EPHA5: variants seen among roughly 807,000 people sequenced by gnomAD.
EPHA5 encodes EPH receptor A5.
Under a neutral mutation model 105.0 loss-of-function variants are expected in EPHA5, and 60 were observed. The observed-to-expected ratio is 0.57, with a 90% CI of 0.46 to 0.71. EPHA5 has a LOEUF of 0.71. Ranked by LOEUF, EPHA5 falls within the 30% of genes least tolerant of loss-of-function variation. The probability of loss-of-function intolerance (pLI) is 0.00; values close to 1 mark genes in which losing one functional copy is unlikely to be tolerated. For synonymous variants in EPHA5, 513 were observed against 449.1 expected (o/e 1.14, Z -1.80); for missense variants, 1,218 against 1,274.7 (o/e 0.96, Z 0.68).
chr4:65,599,348 A>AACACACAAACAC lies in EPHA5; in HGVS notation c.910+2292_910+2293insGTGTTTGTGTGT, dbSNP rs1553949160. Among the ~76,000 whole-genome samples, 7 of 148,678 alleles carry AACACACAAACAC rather than the reference A, an allele frequency of 4.7e-5. No homozygotes were observed. In the East Asian group the frequency reaches 1.4e-3, roughly 30 times the overall value. ...AGCTAGAGTCATGGTGGCATTTTAT[A>AACACACAAACAC]ACACACACACACACACACACACACA... is the stretch of plus-strand genomic sequence containing the variant. On this transcript the variant is annotated intron_variant, in intron 3 of 16. Transcript: ENST00000613740.
chr4:65,441,559 G>C (rs893269502), intron 5 of EPHA5, among the ~76,000 whole-genome samples: 27 of 152,152 alleles, frequency 1.8e-4, no homozygotes, highest in African/African-American at 6.3e-4. Context: ...AAAAAAGGGA[G>C]AGAGGAAGAG....
chr4:65,639,085 A>G (rs62297721), intron 2 of EPHA5, among the ~76,000 whole-genome samples: 37,359 of 152,156 alleles, frequency 0.25, 5,300 homozygotes, highest in East Asian at 0.57. Context: ...CTCTTGTAAA[A>G]TTAACTGTTG....
chr4:65,539,459 C>A (rs1010807026), intron 3 of EPHA5, among the ~76,000 whole-genome samples: 3 of 151,434 alleles, frequency 2.0e-5, no homozygotes, highest in Admixed American at 6.6e-5. Context: ...TGTTTTTAAG[C>A]AGGTGTGAAA....
At chr4:65,528,689 C>T (rs988041222) in intron 3 of EPHA5, among the ~76,000 whole-genome samples, 12 of 151,878 alleles carry the variant, frequency 7.9e-5, no homozygotes, top group Admixed American at 2.0e-4. Flanking sequence ...TATTTTTTTT[C>T]CAACTTTGGT....
At chr4:65,463,384 G>T (rs1728306583) in intron 5 of EPHA5, among the ~76,000 whole-genome samples, 1 of 152,102 alleles carries the variant, frequency 6.6e-6, no homozygotes, top group Non-Finnish European at 1.5e-5. Context: ...GTTCAAACTG[G>T]ATTTTAGTTA....
intron 3 of EPHA5, among the ~76,000 whole-genome samples, chr4:65,524,744 A>G (rs1735071268): frequency 6.6e-6 from 1 of 151,826 alleles, no homozygotes. Flanking sequence ...AATCCTGGAC[A>G]TTTCCCATAT....
intron 15 of EPHA5, among the ~76,000 whole-genome samples, chr4:65,334,208 T>G (rs1720956503): frequency 1.3e-5 from 2 of 151,966 alleles, no homozygotes; most frequent in Non-Finnish European, 2.9e-5. Flanking sequence ...TTAGGTCTAT[T>G]TGCTTAATGC....
rs146041372 is a variant in EPHA5 at position 65,647,707 on chromosome 4, A to G, written c.182-4280T>C. Among the ~76,000 whole-genome samples the G allele has an allele frequency of 2.2e-3, 341 of 152,264 alleles. 1 individual carries two copies. The highest frequency in any genetic ancestry group is 3.9e-3 in the Admixed American group (60 of 15,294). On this transcript the variant is annotated intron_variant, in intron 1 of 16. Transcript: ENST00000613740. The stretch of plus-strand genomic sequence containing the variant: ...ATTATTTATATTTTAAAATACAGTC[A>G]TACCATTCAACTGAGAGACAGATTT...
chr4:65,555,025 G>C (rs1258218801), intron 3 of EPHA5, among the ~76,000 whole-genome samples: 1 of 110,078 alleles, frequency 9.1e-6, no homozygotes, highest in Admixed American at 1.0e-4. Context: ...ACATGTTTTT[G>C]TCAGTTTTAA....
chr4:65,360,052 C>T (rs1178997182), intron 11 of EPHA5, among the ~76,000 whole-genome samples: 3 of 151,608 alleles, frequency 2.0e-5, no homozygotes, highest in Non-Finnish European at 4.4e-5. Context: ...TTGCTAGTCC[C>T]TCTTCCTGTA....
rs191406197 is a variant in EPHA5, at chr4:65,594,480, G to A, written c.910+7161C>T. Reference sequence around the variant, plus strand: ...TGAAATTTACAAAGTAGTTATTACTGTTACTGTAAAGATGAGGTATAGCAT... The same window carrying A: ...TGAAATTTACAAAGTAGTTATTACTATTACTGTAAAGATGAGGTATAGCAT... On this transcript the variant is annotated intron_variant, in intron 3 of 16. Transcript: ENST00000613740. 3.2e-3 allele frequency among the ~76,000 whole-genome samples: 484 copies of A among 152,192 alleles called. 3 individuals are homozygous for A. The highest frequency in any genetic ancestry group is 5.4e-3 in the Non-Finnish European group (370 of 67,984).
At chr4:65,636,188 G>C (rs564411973) in intron 2 of EPHA5, among the ~76,000 whole-genome samples, 6 of 152,244 alleles carry the variant, frequency 3.9e-5, no homozygotes, top group African/African-American at 1.4e-4. Flanking sequence ...GACACTCAAT[G>C]AGAAAGTGAA....
intron 7 of EPHA5, among the ~76,000 whole-genome samples, chr4:65,407,017 C>T (rs1485508602): frequency 6.6e-6 from 1 of 151,976 alleles, no homozygotes; most frequent in South Asian, 2.1e-4. Flanking sequence ...CATCACTCAC[C>T]TATTTGATTC....
chr4:65,362,669 T>A (rs1717436525), intron 11 of EPHA5, among the ~76,000 whole-genome samples: 2 of 151,610 alleles, frequency 1.3e-5, no homozygotes, highest in South Asian at 4.1e-4. Context: ...AGTCATTTGT[T>A]AATATTGACA....
chr4:65,422,219 T>C (rs1208748784), intron 5 of EPHA5, among the ~76,000 whole-genome samples: 2 of 152,086 alleles, frequency 1.3e-5, no homozygotes, highest in African/African-American at 4.8e-5. Flanking sequence ...AGGGATAATT[T>C]CCTCTGTGAC....
intron 8 of EPHA5, among the ~76,000 whole-genome samples, chr4:65,369,969 C>T (rs1335057528): frequency 6.6e-6 from 1 of 151,894 alleles, no homozygotes; most frequent in Non-Finnish European, 1.5e-5. Context: ...TCCATCTCAA[C>T]AACAACAACA....
rs1021198460 is a variant in EPHA5, at chr4:65,322,686, C to T, written c.*1428G>A. The T allele has an allele frequency of 8.9e-6, 2 of 225,408 alleles. No individual in the cohort carries two copies. The highest frequency in any genetic ancestry group is 4.5e-5 in the African/African-American group (2 of 44,816). The allele number at this position is 225,408 out of a possible 1,614,324, so 14.0% of individuals were successfully genotyped here. Reference sequence around the variant, plus strand: ...CTTAATAAGCCTAATTACATAATACCTTGGATTGGTTCAATAAAATAAACT... The same window carrying T: ...CTTAATAAGCCTAATTACATAATACTTTGGATTGGTTCAATAAAATAAACT... On this transcript the variant is annotated 3_prime_UTR_variant, in exon 17 of 17. Transcript: ENST00000613740.
chr4:65,447,032 G>T (rs561208990), intron 5 of EPHA5, among the ~76,000 whole-genome samples: 1 of 144,002 alleles, frequency 6.9e-6, no homozygotes, highest in African/African-American at 2.6e-5. Flanking sequence ...TGTCACTCAG[G>T]CTGGTGTGCA....
intron 14 of EPHA5, among the ~76,000 whole-genome samples, chr4:65,343,952 A>T (rs532789148): frequency 1.3e-5 from 2 of 152,292 alleles, no homozygotes; most frequent in South Asian, 4.1e-4. Context: ...GAGTATCAAG[A>T]CACTCAAATA....
Sources: gnomAD v4.1 joint callset for allele counts (sites outside exome capture counted in the v4.1 genomes callset) on GRCh38, gnomAD v4.1.1 for gene constraint, MANE v1.5 for transcripts, NCBI Gene and HGNC (gene_info 2026-07-23, HGNC 2026-07-21) for gene names.